The following DNAH12 variants were observed in gnomAD, a reference collection of about 807,000 sequenced individuals.
DNAH12 encodes the protein axonemal beta dynein heavy chain 12.
Under a neutral mutation model 371.5 loss-of-function variants are expected in DNAH12, and 285 were observed. That is an observed-to-expected ratio of 0.77 (90% CI 0.70 to 0.85). The LOEUF (loss-of-function observed/expected upper bound fraction) is 0.85. DNAH12 is among the 40% of genes least tolerant of loss of function. The pLI, the probability that DNAH12 is intolerant of heterozygous loss-of-function variation, is 0.00. For missense variants in DNAH12, 3,611 were observed against 3,689.4 expected, an observed-to-expected ratio of 0.98 and a Z score of 0.55; for synonymous variants, 1,200 against 1,213.0, an observed-to-expected ratio of 0.99 and a Z score of 0.22.
At chr3:57,294,636 G>A (rs1221316416) in intron 73 of DNAH12, among the ~76,000 whole-genome samples, 2 of 152,144 alleles carry the variant, frequency 1.3e-5, no homozygotes, top group African/African-American at 2.4e-5. Context: ...GGTAGTGGGG[G>A]AGACTCAAAA....
intron 58 of DNAH12, among the ~76,000 whole-genome samples, chr3:57,361,812 C>T (rs1249608758): frequency 1.3e-5 from 2 of 151,982 alleles, no homozygotes; most frequent in African/African-American, 2.4e-5. Context: ...TCTAATAATA[C>T]CTTACCAATC....
intron 65 of DNAH12, among the ~76,000 whole-genome samples, chr3:57,319,756 T>G (rs1285392337): frequency 1.3e-5 from 2 of 151,662 alleles, no homozygotes; most frequent in South Asian, 2.1e-4. Context: ...TTTTTTTTTT[T>G]TGTATTTTTA....
intron 45 of DNAH12, among the ~76,000 whole-genome samples, chr3:57,389,656 C>T (rs1441820673): frequency 3.3e-5 from 5 of 151,284 alleles, no homozygotes; most frequent in African/African-American, 7.3e-5. Flanking sequence ...AGTGAAAATA[C>T]TTTTTTTCCC....
chr3:57,352,150 T>C lies in DNAH12; in HGVS notation c.9609A>G (p.Ile3203Met), dbSNP rs1164266863. ...DHFTYNLYCN[I>M]CRSLFEKDKL... ...TGTCCTTCTCAAATAGTGATCGGCA[T>C]ATATTACAATATAAGTTGTATGTGA... The change falls in exon 60 of 74, where the codon ATA (isoleucine) becomes ATG (methionine). Residue 3203 changes from isoleucine (I) to methionine (M), a missense_variant. Around this residue, in one of 3 missense-constraint regions of DNAH12, gnomAD observed 2,266 missense variants for 2,236.9 expected, o/e 1.01. Transcript: ENST00000495027. The C allele has an allele frequency of 1.3e-6, 2 of 1,544,030 alleles. No homozygotes were observed. Among genetic ancestry groups the C allele is most frequent in the African/African-American group, 2.7e-5 (2 of 72,776 alleles).
rs6768943 is a variant in DNAH12 at position 57,445,261 on chromosome 3, G to C, written c.4338C>G (p.Tyr1446Ter). ...CTTTTACTGCTCGCATTCCATAGTC[G>C]TAATGAAATTGCGATGAGAGCTGCT... is the stretch of plus-strand genomic sequence containing the variant. ...CSEQLSSQFHYDYGMRAVKAV... is the reference protein window; with the variant it reads ...CSEQLSSQFH The change falls in exon 28 of 74, where the codon TAC becomes TAG. Residue 1446 changes from tyrosine (Y) to a stop codon, truncating the protein, a stop_gained. Transcript: ENST00000495027. LOFTEE classifies it high-confidence loss of function. 1 of 1,551,006 alleles carries C rather than the reference G, an allele frequency of 6.4e-7. No homozygotes were observed. The highest frequency in any genetic ancestry group is 2.4e-5 in the East Asian group (1 of 40,874).
At position 57,301,953 on chromosome 3, in the gene DNAH12, AATT is replaced by A. The variant is rs1359939005; in HGVS notation, c.11190-17_11190-15del. 6.5e-6 allele frequency: 10 copies of A among 1,549,140 alleles called. No homozygotes were observed. In the African/African-American group the frequency reaches 1.1e-4, roughly 17 times the overall value. Reference sequence around the variant, plus strand: ...GTTATAATTAAACTGCAATGAAAGAAATTATGTCATCAACATATATGATGATAT... The same window carrying A: ...GTTATAATTAAACTGCAATGAAAGAAATGTCATCAACATATATGATGATAT... On this transcript the variant is annotated splice_polypyrimidine_tract_variant and intron_variant, in intron 69 of 73. Coordinates refer to ENST00000495027, the MANE Select transcript of DNAH12 (RefSeq NM_001366028.2).
intron 50 of DNAH12, among the ~76,000 whole-genome samples, chr3:57,380,670 G>C (rs1200260890): frequency 6.6e-6 from 1 of 152,066 alleles, no homozygotes; most frequent in Non-Finnish European, 1.5e-5. Flanking sequence ...TCACCATGTT[G>C]GCCAGGCTGG....
intron 70 of DNAH12, among the ~76,000 whole-genome samples, chr3:57,301,120 T>G (rs997620337): frequency 6.6e-6 from 1 of 151,776 alleles, no homozygotes; most frequent in Non-Finnish European, 1.5e-5. Flanking sequence ...TGAGACTCCA[T>G]CTCTACAAAA....
intron 56 of DNAH12, among the ~76,000 whole-genome samples, chr3:57,367,782 G>T (rs1022985561): frequency 0.072 from 10,915 of 152,076 alleles, 1,294 homozygotes; most frequent in African/African-American, 0.25. Flanking sequence ...GCAATTTCAA[G>T]CTGGCTTCAA....
chr3:57,413,600 ATATAT>A, intron 39 of DNAH12, 141 bp downstream of exon 39: 1 of 885,698 alleles, frequency 1.1e-6, no homozygotes, highest in Non-Finnish European at 1.7e-6. Context: ...TCTTTTCGAA[ATATAT>A]TAGAGAGGCT....
intron 72 of DNAH12, 81 bp from the exon 73 acceptor site, chr3:57,295,673 T>C (rs1303192714): frequency 8.0e-7 from 1 of 1,257,826 alleles, no homozygotes; most frequent in Admixed American, 2.9e-5. Flanking sequence ...AGATATTGGC[T>C]TTTACTAAAA....
chr3:57,534,097 G>A (rs910966007), intron 2 of DNAH12, among the ~76,000 whole-genome samples: 5 of 152,196 alleles, frequency 3.3e-5, no homozygotes, highest in Non-Finnish European at 7.3e-5. Flanking sequence ...TCTGTGGGCA[G>A]GCATCACCTG....
At chr3:57,353,571 T>C (rs1575493819) in intron 59 of DNAH12, among the ~76,000 whole-genome samples, 2 of 152,128 alleles carry the variant, frequency 1.3e-5, no homozygotes, top group African/African-American at 2.4e-5. Context: ...CAAAAGAAAC[T>C]ATCAACAGAG....
At chr3:57,424,084 G>C (rs1431137645) in intron 35 of DNAH12, among the ~76,000 whole-genome samples, 1 of 152,070 alleles carries the variant, frequency 6.6e-6, no homozygotes, top group Admixed American at 6.6e-5. Flanking sequence ...CTAAATGCTG[G>C]CTTAACATTA....
intron 40 of DNAH12, 124 bp from the exon 41 acceptor site, chr3:57,406,076 C>A (rs539223548): frequency 3.8e-5 from 40 of 1,039,414 alleles, no homozygotes; most frequent in Non-Finnish European, 2.7e-6. Flanking sequence ...TTGGGCTGGG[C>A]GCGGTGGCTC....
At chr3:57,344,185 C>A (rs1173536942) in intron 60 of DNAH12, among the ~76,000 whole-genome samples, 1 of 152,292 alleles carries the variant, frequency 6.6e-6, no homozygotes, top group African/African-American at 2.4e-5. Context: ...GAAATACCCA[C>A]AGGTGTGGAG....
chr3:57,310,584 T>C, intron 67 of DNAH12, 133 bp downstream of exon 67: 1 of 695,890 alleles, frequency 1.4e-6, no homozygotes, highest in South Asian at 2.2e-5. Context: ...CAGTAATTAC[T>C]AGAAAAAGAT....
intron 9 of DNAH12, among the ~76,000 whole-genome samples, chr3:57,503,019 C>T (rs2067613094): frequency 1.3e-5 from 2 of 152,150 alleles, no homozygotes; most frequent in Non-Finnish European, 2.9e-5. Flanking sequence ...ACATTCTTTT[C>T]AGATTTCAAT....
At chr3:57,423,959 G>A (rs1040535898) in intron 35 of DNAH12, among the ~76,000 whole-genome samples, 5 of 151,744 alleles carry the variant, frequency 3.3e-5, no homozygotes, top group African/African-American at 7.3e-5. Flanking sequence ...GGCTGGTCTC[G>A]AACTCCTGAC....
Sources: allele counts gnomAD v4.1 joint callset (sites outside exome capture counted in the v4.1 genomes callset), GRCh38; gene constraint gnomAD v4.1.1; regional missense constraint gnomAD v4.1.1; transcripts MANE v1.5; gene names NCBI Gene and HGNC (gene_info 2026-07-23, HGNC 2026-07-21).